The following FSIP2 variants were observed in gnomAD, a reference collection of about 807,000 sequenced individuals.
FSIP2 encodes fibrous sheath interacting protein 2.
In FSIP2, 367 loss-of-function variants were observed where a neutral mutation model predicts 510.5. The observed-to-expected ratio is 0.72, with a 90% CI of 0.66 to 0.78. The LOEUF (loss-of-function observed/expected upper bound fraction) is 0.78. Ranked by LOEUF, FSIP2 falls within the 30% of genes least tolerant of loss-of-function variation. The probability of loss-of-function intolerance (pLI) is 0.00; values close to 1 mark genes in which losing one functional copy is unlikely to be tolerated. For synonymous variants in FSIP2, 2,601 were observed against 2,732.2 expected, an observed-to-expected ratio of 0.95 and a Z score of 1.50; for missense variants, 7,594 against 7,901.7, an observed-to-expected ratio of 0.96 and a Z score of 1.48.
chr2:185,807,768 T>C lies in FSIP2; in HGVS notation c.18462T>C (p.Leu6154=). Residue 6154 remains leucine (L), a synonymous_variant, in exon 17 of 23, where the codon CTT becomes CTC. Transcript: ENST00000424728. ...VEVENIVEKI[L]KDVFQTTDVP... is the part of the protein sequence containing the mutation. ...TTGAAAACATCGTTGAAAAGATCCT[T>C]AAAGATGTTTTCCAAACTACTGATG... 6.2e-7 allele frequency: 1 copy of C among 1,612,348 alleles called. No homozygotes were observed.
intron 13 of FSIP2, among the ~76,000 whole-genome samples, chr2:185,781,670 TCTC>T (rs1251688722): frequency 6.6e-6 from 1 of 152,200 alleles, no homozygotes; most frequent in Non-Finnish European, 1.5e-5. Flanking sequence ...TTCAGAAAGT[TCTC>T]CTATCTCTTT....
At position 185,800,074 on chromosome 2, in the gene FSIP2, A is replaced by G; in HGVS notation, c.10768A>G (p.Thr3590Ala). The part of the protein sequence containing the change: ...QKMVAIPTKY[T>A]YCPGIVSGGF... ...AATGGTTGCCATACCTACAAAATAC[A>G]CTTACTGTCCAGGAATAGTTTCTGG... The change falls in exon 17 of 23, where the codon ACT (threonine) becomes GCT (alanine). Residue 3590 changes from threonine to alanine, a missense_variant. Thr to Ala is a moderately conservative substitution (Grantham distance 58). Coordinates refer to ENST00000424728, the MANE Select transcript of FSIP2 (RefSeq NM_173651.4). The G allele has an allele frequency of 6.5e-7, 1 of 1,532,750 alleles. No homozygotes were observed. The highest frequency in any genetic ancestry group is 8.7e-7 in the Non-Finnish European group (1 of 1,144,478). The allele number at this position is 1,532,750 out of a possible 1,614,324, so 94.9% of individuals were successfully genotyped here.
chr2:185,818,932 T>C (rs1017751215), intron 19 of FSIP2, among the ~76,000 whole-genome samples: 46 of 151,922 alleles, frequency 3.0e-4, no homozygotes, highest in African/African-American at 1.0e-3. Context: ...ATATAAAAAA[T>C]AGTATTATCA....
chr2:185,763,430 G>A (rs1486182409), intron 12 of FSIP2, 141 bp downstream of exon 12: 2 of 606,894 alleles, frequency 3.3e-6, no homozygotes, highest in East Asian at 5.6e-5. Context: ...CAATAATAAC[G>A]TTTTAATAGC....
At chr2:185,781,138 G>T (rs932935799) in intron 13 of FSIP2, among the ~76,000 whole-genome samples, 3 of 149,228 alleles carry the variant, frequency 2.0e-5, no homozygotes, top group Admixed American at 2.0e-4. Context: ...CTTACTTACA[G>T]TGGTTGGACT....
rs141112418 is a variant in FSIP2 at position 185,745,985 on chromosome 2, A to G, written c.617+417A>G. ...TAAATATGTGCTGTCTATAAAAAAGATTGTAAGCTCATTTAAATATGACTC... is the reference window on the plus strand; with the variant it reads ...TAAATATGTGCTGTCTATAAAAAAGGTTGTAAGCTCATTTAAATATGACTC... On this transcript the variant is annotated intron_variant, in intron 5 of 22. Transcript: ENST00000424728. Among the ~76,000 whole-genome samples the G allele has an allele frequency of 2.6e-5, 4 of 152,234 alleles. No individual in the cohort carries two copies. The East Asian group carries it at 7.7e-4, about 29-fold the overall frequency.
chr2:185,792,880 A>T lies in FSIP2; in HGVS notation c.5744A>T (p.Asn1915Ile), dbSNP rs771882188. The change falls in exon 16 of 23, where the codon AAT (asparagine) becomes ATT (isoleucine). Residue 1915 changes from asparagine (N) to isoleucine (I), a missense_variant. Physicochemically the swap from Asn to Ile is moderately radical, Grantham distance 149. Coordinates refer to ENST00000424728, the MANE Select transcript of FSIP2 (RefSeq NM_173651.4). ...FSVADKETKVNLAEDIVQAIL... is the reference protein window; with the variant it reads ...FSVADKETKVILAEDIVQAIL... Reference sequence around the variant, plus strand: ...GTTGCTGACAAGGAGACAAAGGTAAATCTAGCTGAAGATATTGTACAGGCA... The same window carrying T: ...GTTGCTGACAAGGAGACAAAGGTAATTCTAGCTGAAGATATTGTACAGGCA... 20 of 1,534,322 alleles carry T rather than the reference A, an allele frequency of 1.3e-5. No individual in the cohort carries two copies. In the South Asian group the frequency reaches 2.4e-4, roughly 18 times the overall value.
In FSIP2 at chr2:185,793,121, T is replaced by G. The variant is rs1488943007; in HGVS notation, c.5985T>G (p.Ser1995=). Residue 1995 remains serine, a synonymous_variant, in exon 16 of 23, where the codon TCT becomes TCG. Coordinates refer to ENST00000424728, the MANE Select transcript of FSIP2 (RefSeq NM_173651.4). ...GAAAGACCAACTTGTGCCAACTGTC[T>G]TTGTCTAAATTAAATACTTATGCAC... ...KSGKTNLCQL[S]LSKLNTYALQ... 2.0e-6 allele frequency: 3 copies of G among 1,534,286 alleles called. No individual in the cohort carries two copies. The East Asian group carries it at 7.3e-5, about 38-fold the overall frequency.
chr2:185,761,068 C>T lies in FSIP2; in HGVS notation c.1159C>T (p.Gln387Ter), dbSNP rs1692341220. 8.1e-6 allele frequency: 12 copies of T among 1,476,466 alleles called. No homozygotes were observed. The highest frequency in any genetic ancestry group is 1.0e-5 in the Non-Finnish European group (11 of 1,097,702). 91.5% of individuals were successfully genotyped at this position (1,476,466 alleles called of 1,614,324 possible). The stretch of plus-strand genomic sequence containing the variant: ...AAAAAACTCAGCTTCTGTTGTTTAT[C>T]AGGCAGATGTACAGGATAATGGTAT... The part of the protein sequence containing the change: ...TKKNSASVVY[Q>*]ADVQDNGINQ... The change falls in exon 10 of 23, where the codon CAG becomes TAG. Residue 387 changes from glutamine (Q) to a stop codon, truncating the protein, a stop_gained. Transcript: ENST00000424728. LOFTEE classifies it high-confidence loss of function.
rs964453787 is a variant in FSIP2, at chr2:185,815,284, T to A, written c.20326-87T>A. The A allele has an allele frequency of 2.3e-5, 15 of 665,306 alleles. No individual in the cohort carries two copies. The African/African-American group carries it at 2.7e-4, about 12-fold the overall frequency. 41.2% of individuals were successfully genotyped at this position (665,306 alleles called of 1,614,324 possible). On this transcript the variant is annotated intron_variant, in intron 18 of 22. Coordinates refer to ENST00000424728, the MANE Select transcript of FSIP2 (RefSeq NM_173651.4). Reference sequence around the variant, plus strand: ...TCTCTGGAACTTTTTTCCATTAAAATGTAGATTATACTGCAAAAAATGCCA... The same window carrying A: ...TCTCTGGAACTTTTTTCCATTAAAAAGTAGATTATACTGCAAAAAATGCCA...
At chr2:185,826,898 A>G (rs952715479) in intron 20 of FSIP2, among the ~76,000 whole-genome samples, 1 of 151,824 alleles carries the variant, frequency 6.6e-6, no homozygotes, top group Non-Finnish European at 1.5e-5. Context: ...TGGAAAGATC[A>G]AGGCCAGATA....
At chr2:185,765,007 C>T (rs1692435578) in intron 13 of FSIP2, 1 of 152,340 alleles carries the variant, frequency 6.6e-6, no homozygotes, top group Non-Finnish European at 1.5e-5. Context: ...GCTTTTACAG[C>T]AGCTTCTCTC....
chr2:185,799,887 A>G lies in FSIP2; in HGVS notation c.10581A>G (p.Ala3527=), dbSNP rs767706261. The G allele has an allele frequency of 6.5e-7, 1 of 1,533,808 alleles. No homozygotes were observed. Among genetic ancestry groups the G allele is most frequent in the East Asian group, 2.5e-5 (1 of 40,784 alleles). ...AAAAGGGTAGAGAAAAAGAGAAAGC[A>G]TGGGAAATTCAAGAAGCAACATTTA... ...GTKKGREKEK[A]WEIQEATFSK... The change falls in exon 17 of 23, where the codon GCA becomes GCG. Residue 3527 remains alanine, a synonymous_variant. Coordinates refer to ENST00000424728, the MANE Select transcript of FSIP2 (RefSeq NM_173651.4).
Position 185,809,080 on chromosome 2 carries a change from G to A in FSIP2, c.19774G>A (p.Glu6592Lys). The change falls in exon 17 of 23, where the codon GAA becomes AAA. Residue 6592 changes from glutamate (E) to lysine (K), a missense_variant. Physicochemically the swap from Glu to Lys is moderately conservative, Grantham distance 56. Coordinates refer to ENST00000424728, the MANE Select transcript of FSIP2 (RefSeq NM_173651.4). Reference sequence around the variant, plus strand: ...ACCTGATTTAGAAAAGAGAAAGACAGAAAGACGTACCTCATTGGATAAGAC... The same window carrying A: ...ACCTGATTTAGAAAAGAGAAAGACAAAAAGACGTACCTCATTGGATAAGAC... ...GSPDLEKRKTERRTSLDKTGR... is the reference protein window; with the variant it reads ...GSPDLEKRKTKRRTSLDKTGR... 2 of 1,601,242 alleles carry A rather than the reference G, an allele frequency of 1.2e-6. No individual in the cohort carries two copies. The highest frequency in any genetic ancestry group is 1.7e-6 in the Non-Finnish European group (2 of 1,176,060).
chr2:185,810,607 A>G (rs1693707180), intron 17 of FSIP2, among the ~76,000 whole-genome samples: 1 of 147,210 alleles, frequency 6.8e-6, no homozygotes, highest in African/African-American at 2.5e-5. Context: ...CAGTGGAAGA[A>G]TGTCCTAACA....
At position 185,792,961 on chromosome 2, in the gene FSIP2, CTCAAG is replaced by C. The variant is rs1221093571; in HGVS notation, c.5830_5834del (p.Val1944LeufsTer28). 1.4e-5 allele frequency: 22 copies of C among 1,534,292 alleles called. No individual in the cohort carries two copies. Among genetic ancestry groups the C allele is most frequent in the Non-Finnish European group, 1.9e-5 (22 of 1,145,656 alleles). On this transcript the variant is annotated frameshift_variant, in exon 16 of 23. Coordinates refer to ENST00000424728, the MANE Select transcript of FSIP2 (RefSeq NM_173651.4). LOFTEE classifies it high-confidence loss of function. ...TCCAAAGTAAAATCTCTCTTTTATTCTCAAGTCAACTTTACAGTTCCAGTGGCTTT... is the reference window on the plus strand; with the variant it reads ...TCCAAAGTAAAATCTCTCTTTTATTCTCAACTTTACAGTTCCAGTGGCTTT...
At chr2:185,817,443 C>T (rs532279372) in intron 19 of FSIP2, among the ~76,000 whole-genome samples, 1 of 151,924 alleles carries the variant, frequency 6.6e-6, no homozygotes, top group Non-Finnish European at 1.5e-5. Flanking sequence ...GGAAGTGACT[C>T]TTTGGGAAAT....
Position 185,802,967 on chromosome 2 carries a change from C to A in FSIP2, c.13661C>A (p.Thr4554Asn), listed in dbSNP as rs867586115. 2.6e-6 allele frequency: 4 copies of A among 1,529,556 alleles called. No individual in the cohort carries two copies. The African/African-American group carries it at 4.1e-5, about 16-fold the overall frequency. The allele number at this position is 1,529,556 out of a possible 1,614,324, so 94.7% of individuals were successfully genotyped here. ...TCAGTATTTGCAAATGTTGTGCAAA[C>A]CTCTGGTTCTCAAGAATCAGCTGTG... ...VDSVFANVVQ[T>N]SGSQESAVQN... The change falls in exon 17 of 23, where the codon ACC becomes AAC. Residue 4554 changes from threonine (T) to asparagine (N), a missense_variant. Coordinates refer to ENST00000424728, the MANE Select transcript of FSIP2 (RefSeq NM_173651.4).
Position 185,796,038 on chromosome 2 carries a change from A to G in FSIP2, c.8902A>G (p.Ser2968Gly), listed in dbSNP as rs138121707. 2.4e-4 allele frequency: 364 copies of G among 1,532,978 alleles called. 4 individuals are homozygous for G. In the East Asian group the frequency reaches 8.9e-3, roughly 37 times the overall value. The allele number at this position is 1,532,978 out of a possible 1,614,324, so 95.0% of individuals were successfully genotyped here. ...YGFPNKHSLS[S>G]LPIYNTKTKD... ...TTTTCCAAACAAGCATAGCCTCAGCAGTTTACCAATCTATAACACAAAGAC... is the reference window on the plus strand; with the variant it reads ...TTTTCCAAACAAGCATAGCCTCAGCGGTTTACCAATCTATAACACAAAGAC... The change falls in exon 16 of 23, where the codon AGT (serine) becomes GGT (glycine). Residue 2968 changes from serine (S) to glycine (G), a missense_variant. Ser to Gly is a moderately conservative substitution (Grantham distance 56). Transcript: ENST00000424728.
Sources: gnomAD v4.1 joint callset for allele counts (sites outside exome capture counted in the v4.1 genomes callset) on GRCh38, gnomAD v4.1.1 for gene constraint, MANE v1.5 for transcripts, NCBI Gene and HGNC (gene_info 2026-07-23, HGNC 2026-07-21) for gene names.